PARD3B: variants seen among roughly 807,000 people sequenced by gnomAD.
PARD3B encodes par-3 family cell polarity regulator beta.
PARD3B carries 103 observed loss-of-function variants against 130.2 expected under a neutral mutation model. The observed-to-expected ratio is 0.79, with a 90% CI of 0.67 to 0.93. The LOEUF is 0.93. Among genes scored for constraint, PARD3B ranks in the 40% least tolerant of loss-of-function variants. The pLI is 0.00. For synonymous variants in PARD3B, 583 were observed against 553.2 expected (o/e 1.05, Z -0.76); for missense variants, 1,609 against 1,499.2 (o/e 1.07, Z -1.21).
intron 18 of PARD3B, among the ~76,000 whole-genome samples, chr2:205,336,910 A>G (rs1461733307): frequency 6.6e-6 from 1 of 151,892 alleles, no homozygotes; most frequent in African/African-American, 2.4e-5. Flanking sequence ...ATCTTAAGGA[A>G]TACTTGTGGG....
At chr2:205,294,082 A>G (rs949438048) in intron 16 of PARD3B, among the ~76,000 whole-genome samples, 4 of 152,090 alleles carry the variant, frequency 2.6e-5, no homozygotes, top group African/African-American at 9.7e-5. Flanking sequence ...TTAATTTTTC[A>G]GTTATTTTCT....
intron 20 of PARD3B, among the ~76,000 whole-genome samples, chr2:205,480,941 T>C (rs2049211585): frequency 6.6e-6 from 1 of 151,930 alleles, no homozygotes; most frequent in African/African-American, 2.4e-5. Flanking sequence ...GTGTTTTAGG[T>C]GGAAGACCCA....
At chr2:204,848,641 GTCTATCTATCTA>G (rs112373204) in intron 2 of PARD3B, among the ~76,000 whole-genome samples, 1 of 148,348 alleles carries the variant, frequency 6.7e-6, no homozygotes, top group Admixed American at 6.7e-5. Context: ...GTGAGACTCT[GTCTATCTATCTA>G]TCTATCTATC....
chr2:204,751,923 A>G (rs2040480791), intron 2 of PARD3B, among the ~76,000 whole-genome samples: 1 of 152,182 alleles, frequency 6.6e-6, no homozygotes, highest in South Asian at 2.1e-4. Flanking sequence ...GTGTTGGAAC[A>G]TTATTTCCAT....
intron 3 of PARD3B, among the ~76,000 whole-genome samples, chr2:205,022,022 TCTTA>T (rs1696648925): frequency 6.6e-6 from 1 of 152,238 alleles, no homozygotes; most frequent in African/African-American, 2.4e-5. Flanking sequence ...TTTTTATTAC[TCTTA>T]CTTTCATAAT....
chr2:204,640,322 C>G (rs908046693), intron 1 of PARD3B, among the ~76,000 whole-genome samples: 1 of 152,130 alleles, frequency 6.6e-6, no homozygotes, highest in African/African-American at 2.4e-5. Flanking sequence ...CAGTGGTGAC[C>G]CTTCAGGAGG....
At chr2:204,959,023 T>G (rs1690519952) in intron 2 of PARD3B, among the ~76,000 whole-genome samples, 2 of 152,146 alleles carry the variant, frequency 1.3e-5, no homozygotes, top group Admixed American at 6.5e-5. Flanking sequence ...GGTTTGTTAC[T>G]TAGGTATACA....
At chr2:205,054,321 T>C (rs1202244334) in intron 4 of PARD3B, among the ~76,000 whole-genome samples, 1 of 147,890 alleles carries the variant, frequency 6.8e-6, no homozygotes, top group African/African-American at 2.5e-5. Context: ...TCTTGGGTCT[T>C]AGTCTAACAC....
intron 1 of PARD3B, among the ~76,000 whole-genome samples, chr2:204,599,371 C>G (rs1274756791): frequency 6.6e-6 from 1 of 151,886 alleles, no homozygotes; most frequent in Non-Finnish European, 1.5e-5. Context: ...CTAGTATCCT[C>G]TGTTTTACTT....
chr2:204,730,734 A>G (rs901373749), intron 2 of PARD3B, among the ~76,000 whole-genome samples: 2 of 152,192 alleles, frequency 1.3e-5, no homozygotes, highest in African/African-American at 4.8e-5. Flanking sequence ...TCATTGAAGA[A>G]TCTCCACATT....
intron 18 of PARD3B, among the ~76,000 whole-genome samples, chr2:205,323,641 C>A (rs1028581860): frequency 1.3e-5 from 2 of 152,158 alleles, no homozygotes; most frequent in Non-Finnish European, 2.9e-5. Flanking sequence ...CCCTCTGATT[C>A]TTTCCACTAA....
At chr2:205,334,617 C>T (rs867260359) in intron 18 of PARD3B, among the ~76,000 whole-genome samples, 1 of 152,168 alleles carries the variant, frequency 6.6e-6, no homozygotes, top group South Asian at 2.1e-4. Context: ...TAGAATATCA[C>T]CTCTGCTTTT....
chr2:205,579,634 G>A (rs149893208), intron 22 of PARD3B, among the ~76,000 whole-genome samples: 12 of 152,136 alleles, frequency 7.9e-5, no homozygotes, highest in East Asian at 1.9e-4. Flanking sequence ...TACTGCACTC[G>A]TCCCATTTTG....
At chr2:204,604,229 A>G (rs1240154963) in intron 1 of PARD3B, among the ~76,000 whole-genome samples, 1 of 152,104 alleles carries the variant, frequency 6.6e-6, no homozygotes, top group East Asian at 1.9e-4. Context: ...GCTTTTCCTC[A>G]CCACTGAGAA....
intron 20 of PARD3B, among the ~76,000 whole-genome samples, chr2:205,499,064 A>G (rs961273851): frequency 6.6e-5 from 10 of 152,208 alleles, no homozygotes; most frequent in Admixed American, 4.6e-4. Context: ...GAACCAGATA[A>G]GTAGAATGGC....
rs71825896 is a variant in PARD3B, at chr2:204,943,113, CCT to C, written c.223-22038_223-22037del. ...AAATACACCTCTTTTTAAAATTACCCCTGACTTAAGAAAGAAGTTTTTCACAT... is the reference window on the plus strand; with the variant it reads ...AAATACACCTCTTTTTAAAATTACCCGACTTAAGAAAGAAGTTTTTCACAT... On this transcript the variant is annotated intron_variant, in intron 2 of 22. Transcript: ENST00000406610. The surrounding 1 kb of genome is among the most constrained non-coding windows in gnomAD (Gnocchi z 4.2). Among the ~76,000 whole-genome samples, 2,760 of 151,386 alleles carry C rather than the reference CCT, an allele frequency of 0.018. 84 individuals carry two copies. The highest frequency in any genetic ancestry group is 0.063 in the African/African-American group (2,559 of 40,868).
intron 15 of PARD3B, among the ~76,000 whole-genome samples, chr2:205,221,109 G>T (rs1272770629): frequency 6.6e-6 from 1 of 152,184 alleles, no homozygotes; most frequent in Non-Finnish European, 1.5e-5. Flanking sequence ...CTTTGTTGTG[G>T]AAAATAGACC....
At chr2:204,920,811 C>G (rs2047647973) in intron 2 of PARD3B, among the ~76,000 whole-genome samples, 5 of 152,112 alleles carry the variant, frequency 3.3e-5, no homozygotes, top group Admixed American at 3.3e-4. Context: ...CCTTTCTTCC[C>G]CCTTTTGCCT....
intron 1 of PARD3B, among the ~76,000 whole-genome samples, chr2:204,657,093 T>A (rs1443228206): frequency 6.6e-6 from 1 of 152,222 alleles, no homozygotes; most frequent in East Asian, 1.9e-4. Context: ...CCATACTGTT[T>A]GATGCACAGA....
Sources: allele counts gnomAD v4.1 joint callset (sites outside exome capture counted in the v4.1 genomes callset), GRCh38; gene constraint gnomAD v4.1.1; non-coding constraint Gnocchi (gnomAD v3.1); transcripts MANE v1.5; gene names NCBI Gene and HGNC (gene_info 2026-07-23, HGNC 2026-07-21).